UGGT1: variants seen among roughly 807,000 people sequenced by gnomAD.
UGGT1 encodes UDP-glucose:glycoprotein glucosyltransferase 1.
A neutral mutation model predicts 203.9 loss-of-function variants in UGGT1; 107 were observed. The ratio of observed to expected loss-of-function variants is 0.52; its 90% confidence interval spans 0.45 to 0.62. The LOEUF (loss-of-function observed/expected upper bound fraction) is 0.62. Ranked by LOEUF, UGGT1 falls within the 20% of genes least tolerant of loss-of-function variation. UGGT1 has a pLI of 0.00. For missense variants in UGGT1, 1,673 were observed against 1,867.2 expected (o/e 0.90, Z 1.92); for synonymous variants, 628 against 653.5 (o/e 0.96, Z 0.59).
At chr2:128,151,257 C>A in intron 18 of UGGT1, 1 of 598,498 alleles carries the variant, frequency 1.7e-6, no homozygotes, top group Admixed American at 2.2e-5. Flanking sequence ...GCTTGAAAGT[C>A]TTACCTTCCT....
At chr2:128,118,227 A>T (rs1688219932) in intron 8 of UGGT1, among the ~76,000 whole-genome samples, 1 of 152,074 alleles carries the variant, frequency 6.6e-6, no homozygotes, top group Non-Finnish European at 1.5e-5. Flanking sequence ...GAATGTAATC[A>T]TATTCTATTT....
intron 2 of UGGT1, 123 bp downstream of exon 2, chr2:128,097,687 A>T: frequency 8.0e-7 from 1 of 1,253,432 alleles, no homozygotes; most frequent in African/African-American, 1.5e-5. Context: ...AGCCTCTTTC[A>T]GTGTATACTG....
At position 128,170,332 on chromosome 2, in the gene UGGT1, T is replaced by A. The variant is rs1691031238; in HGVS notation, c.2966T>A (p.Val989Asp). 6.2e-7 allele frequency: 1 copy of A among 1,614,268 alleles called. No homozygotes were observed. Among genetic ancestry groups the A allele is most frequent in the Non-Finnish European group, 8.5e-7 (1 of 1,180,032 alleles). ...RPKEGETYFDVVAVVDPVTRE... is the reference protein window; with the variant it reads ...RPKEGETYFDDVAVVDPVTRE... ...AAGGAAGGGGAGACATACTTTGATG[T>A]TGTGGCTGTCGTTGACCCTGTCACC... The change falls in exon 27 of 41, where the codon GTT becomes GAT. Residue 989 changes from valine to aspartate, a missense_variant. Val to Asp is a radical substitution (Grantham distance 152). Coordinates refer to ENST00000259253, the MANE Select transcript of UGGT1 (RefSeq NM_020120.4).
chr2:128,159,569 G>A lies in UGGT1; in HGVS notation c.2411G>A (p.Ser804Asn). 12 of 1,614,168 alleles carry A rather than the reference G, an allele frequency of 7.4e-6. No individual in the cohort carries two copies. Among genetic ancestry groups the A allele is most frequent in the Non-Finnish European group, 8.5e-6 (10 of 1,180,030 alleles). ...ATCAATAATCCTGCCAAAGAGATAA[G>A]CTATGAGAACACTCAGATCTCCAGA... ...SMINNPAKEI[S>N]YENTQISRAI... Residue 804 changes from serine to asparagine, a missense_variant, in exon 23 of 41, where the codon AGC becomes AAC. This residue lies in a region of UGGT1 where 1,073 missense variants were observed against 1,078.7 expected (regional missense o/e 0.99). Coordinates refer to ENST00000259253, the MANE Select transcript of UGGT1 (RefSeq NM_020120.4).
Position 128,192,174 on chromosome 2 carries a change from C to T in UGGT1, c.*2432C>T, listed in dbSNP as rs1461546810. The T allele has an allele frequency of 6.6e-6, 1 of 152,088 alleles. No homozygotes were observed. The highest frequency in any genetic ancestry group is 1.5e-5 in the Non-Finnish European group (1 of 68,060). The allele number at this position is 152,088 out of a possible 1,614,324, so 9.4% of individuals were successfully genotyped here. On this transcript the variant is annotated 3_prime_UTR_variant, in exon 41 of 41. Coordinates refer to ENST00000259253, the MANE Select transcript of UGGT1 (RefSeq NM_020120.4). ...TCACTCATTGCCTCTTATCTGTCGC[C>T]ATTCTAATATAAGTCAGCTTAATAG...
intron 16 of UGGT1, among the ~76,000 whole-genome samples, chr2:128,139,163 T>C (rs1224270850): frequency 1.3e-5 from 2 of 152,226 alleles, no homozygotes; most frequent in African/African-American, 4.8e-5. Flanking sequence ...TTTTATACTT[T>C]GTTATTTTAT....
At position 128,192,514 on chromosome 2, in the gene UGGT1, A is replaced by G. The variant is rs1692316422; in HGVS notation, c.*2772A>G. 1 of 152,204 alleles carries G rather than the reference A, an allele frequency of 6.6e-6. No homozygotes were observed. Among genetic ancestry groups the G allele is most frequent in the Non-Finnish European group, 1.5e-5 (1 of 68,040 alleles). 9.4% of individuals were successfully genotyped at this position (152,204 alleles called of 1,614,324 possible). A position where few individuals can be genotyped will look rare whatever the true frequency, so the allele number is the denominator to read the frequency against. ...AAGTGAATTATTTTCTCTCTCAATCATGCCATAGTGGAGACTTTTGTTTGT... is the reference window on the plus strand; with the variant it reads ...AAGTGAATTATTTTCTCTCTCAATCGTGCCATAGTGGAGACTTTTGTTTGT... On this transcript the variant is annotated 3_prime_UTR_variant, in exon 41 of 41. Transcript: ENST00000259253.
Position 128,151,881 on chromosome 2 carries a change from GA to G in UGGT1, c.2017-894del, listed in dbSNP as rs374963338. 4.2e-3 allele frequency among the ~76,000 whole-genome samples: 628 copies of G among 150,038 alleles called. 6 individuals are homozygous for G. The highest frequency in any genetic ancestry group is 0.013 in the African/African-American group (550 of 40,896). ...GAAAGAGCAAGACCTTGTCTCAAAG[GA>G]AAAAAAAAGAAAATGACTTTAAAGT... is the stretch of plus-strand genomic sequence containing the variant. On this transcript the variant is annotated intron_variant, in intron 18 of 40. Transcript: ENST00000259253.
At chr2:128,126,988 C>G (rs1688638872) in intron 11 of UGGT1, among the ~76,000 whole-genome samples, 1 of 152,066 alleles carries the variant, frequency 6.6e-6, no homozygotes, top group Admixed American at 6.6e-5. Flanking sequence ...TGGCCTGGAT[C>G]AGCCTTTTTT....
intron 22 of UGGT1, among the ~76,000 whole-genome samples, chr2:128,157,693 G>A (rs753956307): frequency 1.3e-5 from 2 of 152,182 alleles, no homozygotes; most frequent in African/African-American, 2.4e-5. Flanking sequence ...TCCTTACCAC[G>A]ACAGAGGTCT....
intron 17 of UGGT1, among the ~76,000 whole-genome samples, chr2:128,144,627 T>C (rs1469217766): frequency 6.6e-6 from 1 of 152,210 alleles, no homozygotes; most frequent in East Asian, 1.9e-4. Flanking sequence ...TAGGAGTGTA[T>C]ATTTAAAACA....
intron 14 of UGGT1, among the ~76,000 whole-genome samples, chr2:128,133,762 C>T (rs765860726): frequency 3.9e-5 from 6 of 152,068 alleles, no homozygotes; most frequent in Non-Finnish European, 8.8e-5. Context: ...CATATTGCTA[C>T]TGTTTTTCTT....
At chr2:128,112,892 A>G (rs1170492188) in intron 5 of UGGT1, among the ~76,000 whole-genome samples, 192 bp from the exon 6 acceptor site, 1 of 152,078 alleles carries the variant, frequency 6.6e-6, no homozygotes, top group Non-Finnish European at 1.5e-5. Flanking sequence ...TGTTATTTTT[A>G]ATCATGAATA....
At position 128,157,463 on chromosome 2, in the gene UGGT1, C is replaced by T. The variant is rs370160767; in HGVS notation, c.2355+117C>T. The T allele has an allele frequency of 7.0e-6, 5 of 709,722 alleles. No homozygotes were observed. The African/African-American group carries it at 7.2e-5, about 10-fold the overall frequency. The allele number at this position is 709,722 out of a possible 1,614,324, so 44.0% of individuals were successfully genotyped here. A position where few individuals can be genotyped will look rare whatever the true frequency, so the allele number is the denominator to read the frequency against. On this transcript the variant is annotated intron_variant, in intron 22 of 40. Coordinates refer to ENST00000259253, the MANE Select transcript of UGGT1 (RefSeq NM_020120.4). ...TTGGGAGTCCTGCTTTCTTAATGCT[C>T]GAGGGAACGGAGAATTGTATCTCTA...
chr2:128,170,437 T>C (rs1243961311), intron 27 of UGGT1, 47 bp downstream of exon 27: 2 of 1,540,090 alleles, frequency 1.3e-6, no homozygotes, highest in Non-Finnish European at 1.8e-6. Flanking sequence ...TTTGAAGTTG[T>C]CACATGCTCT....
intron 10 of UGGT1, 51 bp downstream of exon 10, chr2:128,121,349 T>A: frequency 7.6e-7 from 1 of 1,311,460 alleles, no homozygotes; most frequent in Admixed American, 2.3e-5. Context: ...GTCATCGTCA[T>A]GTTCACTTGC....
Position 128,174,797 on chromosome 2 carries a change from C to A in UGGT1, c.3478C>A (p.Pro1160Thr), listed in dbSNP as rs778140274. ...GGGCTACTTTCAGCTGAAAGCCAAC[C>A]CAGGAGCTTGGATCCTCAGACTTAG... ...NLGYFQLKAN[P>T]GAWILRLRKG... Residue 1160 changes from proline to threonine, a missense_variant, in exon 31 of 41, where the codon CCA becomes ACA. Coordinates refer to ENST00000259253, the MANE Select transcript of UGGT1 (RefSeq NM_020120.4). 2.5e-6 allele frequency: 4 copies of A among 1,613,794 alleles called. No individual in the cohort carries two copies. The South Asian group carries it at 4.4e-5, about 18-fold the overall frequency.
In UGGT1 at chr2:128,157,325, G is replaced by A. The variant is rs780518329; in HGVS notation, c.2334G>A (p.Leu778=). ...DFDSPSGRQL[L]YDAIKHQKSS... ...ATAGCCCTTCTGGACGGCAGTTACTGTATGATGCCATCAAACATCAGGCAA... is the reference window on the plus strand; with the variant it reads ...ATAGCCCTTCTGGACGGCAGTTACTATATGATGCCATCAAACATCAGGCAA... The change falls in exon 22 of 41, where the codon CTG becomes CTA. Residue 778 remains leucine (L), a synonymous_variant. Transcript: ENST00000259253. 3.1e-6 allele frequency: 5 copies of A among 1,614,050 alleles called. No homozygotes were observed. Among genetic ancestry groups the A allele is most frequent in the East Asian group, 2.2e-5 (1 of 44,886 alleles).
At chr2:128,160,000 G>A (rs1017082287) in intron 23 of UGGT1, among the ~76,000 whole-genome samples, 102 of 152,282 alleles carry the variant, frequency 6.7e-4, no homozygotes, top group African/African-American at 2.5e-3. Flanking sequence ...AGCAAAAAAC[G>A]GAGATTTGAA....
Sources: gnomAD v4.1 joint callset for allele counts (sites outside exome capture counted in the v4.1 genomes callset) on GRCh38, gnomAD v4.1.1 for gene constraint, gnomAD v4.1.1 regional missense constraint, MANE v1.5 for transcripts, NCBI Gene and HGNC (gene_info 2026-07-23, HGNC 2026-07-21) for gene names.